The following PRICKLE1 variants were observed in gnomAD, a reference collection of about 807,000 sequenced individuals.
PRICKLE1 encodes the protein prickle-like protein 1.
Under a neutral mutation model 70.2 loss-of-function variants are expected in PRICKLE1, and 14 were observed. That is an observed-to-expected ratio of 0.20 (90% CI 0.13 to 0.31). The LOEUF (loss-of-function observed/expected upper bound fraction) is 0.31, where lower values mean the gene tolerates loss of function less well. PRICKLE1 is among the 10% of genes least tolerant of loss of function. The pLI, the probability that PRICKLE1 is intolerant of heterozygous loss-of-function variation, is 1.00. For missense variants in PRICKLE1, 821 were observed against 1,026.2 expected (o/e 0.80, Z 2.73); for synonymous variants, 357 against 379.9 (o/e 0.94, Z 0.70).
intron 1 of PRICKLE1, among the ~76,000 whole-genome samples, chr12:42,557,554 C>A (rs1566125603): frequency 6.6e-6 from 1 of 152,122 alleles, no homozygotes; most frequent in Non-Finnish European, 1.5e-5. Flanking sequence ...AAACAGAACT[C>A]CTCTCTTCCT....
chr12:42,522,114 T>C (rs147834779), intron 1 of PRICKLE1, among the ~76,000 whole-genome samples: 116 of 152,218 alleles, frequency 7.6e-4, no homozygotes, highest in African/African-American at 2.7e-3. Context: ...TAGCTGGGAT[T>C]ATAGGCACAT....
chr12:42,529,513 C>T (rs1227243141), intron 1 of PRICKLE1, among the ~76,000 whole-genome samples: 2 of 152,122 alleles, frequency 1.3e-5, no homozygotes, highest in African/African-American at 4.8e-5. Flanking sequence ...GTTTAAAATG[C>T]CAAAGGATAG....
At chr12:42,467,462 G>A (rs891706058) in intron 5 of PRICKLE1, among the ~76,000 whole-genome samples, 4 of 152,202 alleles carry the variant, frequency 2.6e-5, no homozygotes, top group East Asian at 1.9e-4. Flanking sequence ...TATGTTCAGC[G>A]GAGCATGGTG....
rs928525392 is a variant in PRICKLE1 at position 42,589,133 on chromosome 12, G to C, written c.-49+332C>G. On this transcript the variant is annotated intron_variant, in intron 1 of 7. Transcript: ENST00000345127. The surrounding 1 kb of genome is among the most constrained non-coding windows in gnomAD (Gnocchi z 5.0). ...ACGCACCCTCGCCTCCCGGCGCCCC[G>C]CATCGCCTCGACCCTCGGGCTACAG... The C allele has an allele frequency of 1.3e-5, 2 of 152,262 alleles. No individual in the cohort carries two copies. 9.4% of individuals were successfully genotyped at this position (152,262 alleles called of 1,614,324 possible).
chr12:42,547,265 G>A (rs1187619763), intron 1 of PRICKLE1, among the ~76,000 whole-genome samples: 1 of 152,176 alleles, frequency 6.6e-6, no homozygotes, highest in African/African-American at 2.4e-5. Context: ...GTGATGTATG[G>A]TGGAAAGAAC....
rs545965297 is a variant in PRICKLE1, at chr12:42,587,976, A to G, written c.-49+1489T>C. Among the ~76,000 whole-genome samples, 7 of 152,214 alleles carry G rather than the reference A, an allele frequency of 4.6e-5. No individual in the cohort carries two copies. The South Asian group carries it at 1.2e-3, about 27-fold the overall frequency. On this transcript the variant is annotated intron_variant, in intron 1 of 7. Coordinates refer to ENST00000345127, the MANE Select transcript of PRICKLE1 (RefSeq NM_153026.3). ...TTTTTTTCCTTTCTAGAGTCTGAAA[A>G]CAGACATAATGTTGGGGACGGTCAA... is the stretch of plus-strand genomic sequence containing the variant.
At chr12:42,469,279 G>C (rs1050502458) in intron 4 of PRICKLE1, among the ~76,000 whole-genome samples, 171 bp downstream of exon 4, 17 of 152,156 alleles carry the variant, frequency 1.1e-4, no homozygotes, top group African/African-American at 4.1e-4. Context: ...AGTGTAGCTA[G>C]TTACAAATAT....
intron 1 of PRICKLE1, among the ~76,000 whole-genome samples, chr12:42,481,205 T>TGTAA (rs1938780351): frequency 1.3e-5 from 2 of 152,188 alleles, no homozygotes; most frequent in Admixed American, 6.5e-5. Flanking sequence ...TAACTGTATA[T>TGTAA]CAGGTCTGGT....
intron 5 of PRICKLE1, among the ~76,000 whole-genome samples, chr12:42,466,917 C>A (rs1038153062): frequency 6.6e-6 from 1 of 152,096 alleles, no homozygotes; most frequent in Non-Finnish European, 1.5e-5. Context: ...TCACTTGTAG[C>A]CCAGGCTGGA....
intron 1 of PRICKLE1, among the ~76,000 whole-genome samples, chr12:42,527,852 G>A (rs936934161): frequency 2.7e-5 from 4 of 148,118 alleles, no homozygotes; most frequent in African/African-American, 5.0e-5. Context: ...TCTGAGATCC[G>A]TATGTAATGA....
At chr12:42,503,651 G>A (rs1174584413) in intron 1 of PRICKLE1, among the ~76,000 whole-genome samples, 1 of 152,148 alleles carries the variant, frequency 6.6e-6, no homozygotes, top group Non-Finnish European at 1.5e-5. Context: ...TAAAAATTAA[G>A]AAAGCTGATT....
intron 1 of PRICKLE1, among the ~76,000 whole-genome samples, chr12:42,514,270 T>C (rs1345502697): frequency 2.0e-5 from 3 of 152,166 alleles, no homozygotes; most frequent in African/African-American, 7.2e-5. Flanking sequence ...ATGTCTTCTA[T>C]TCTGGGATTT....
At chr12:42,474,786 T>G (rs776559288) in intron 1 of PRICKLE1, among the ~76,000 whole-genome samples, 3 of 152,174 alleles carry the variant, frequency 2.0e-5, no homozygotes, top group Non-Finnish European at 4.4e-5. Flanking sequence ...TCATGAAATA[T>G]GAACATCTGC....
intron 1 of PRICKLE1, among the ~76,000 whole-genome samples, chr12:42,559,718 CT>C (rs1174740240): frequency 6.7e-6 from 1 of 150,292 alleles, no homozygotes; most frequent in African/African-American, 2.4e-5. Flanking sequence ...CTTGCCTTGT[CT>C]TCCCAAAGCA....
At chr12:42,463,283 G>C (rs563516608) in intron 7 of PRICKLE1, among the ~76,000 whole-genome samples, 2 of 152,044 alleles carry the variant, frequency 1.3e-5, no homozygotes, top group African/African-American at 4.8e-5. Flanking sequence ...TGGGTGACAA[G>C]AGTGAAACTC....
At chr12:42,497,273 T>C (rs111509694) in intron 1 of PRICKLE1, among the ~76,000 whole-genome samples, 3,173 of 151,928 alleles carry the variant, frequency 0.021, 58 homozygotes, top group African/African-American at 0.047. Flanking sequence ...TGGCCGGGCG[T>C]GGTGGCTCAC....
At chr12:42,530,196 G>A (rs973187250) in intron 1 of PRICKLE1, among the ~76,000 whole-genome samples, 1 of 152,002 alleles carries the variant, frequency 6.6e-6, no homozygotes. Flanking sequence ...CGCCTGCCTC[G>A]GCCTCTCAAG....
chr12:42,579,485 T>G (rs1940862391), intron 1 of PRICKLE1, among the ~76,000 whole-genome samples: 1 of 152,226 alleles, frequency 6.6e-6, no homozygotes, highest in Non-Finnish European at 1.5e-5. Flanking sequence ...TTAGCTACAG[T>G]TAAGTATTTT....
At chr12:42,538,222 T>A (rs1453190795) in intron 1 of PRICKLE1, among the ~76,000 whole-genome samples, 1 of 152,200 alleles carries the variant, frequency 6.6e-6, no homozygotes, top group Non-Finnish European at 1.5e-5. Flanking sequence ...ATGTGGCTAT[T>A]TAAATTTAGA....
Sources: gnomAD v4.1 joint callset for allele counts (sites outside exome capture counted in the v4.1 genomes callset) on GRCh38, gnomAD v4.1.1 for gene constraint, Gnocchi (gnomAD v3.1) non-coding constraint, MANE v1.5 for transcripts, NCBI Gene and HGNC (gene_info 2026-07-23, HGNC 2026-07-21) for gene names.